SHISA2: variants seen among roughly 807,000 people sequenced by gnomAD.
SHISA2 encodes the protein shisa family member 2, also known as protein shisa-2 homolog.
Under a neutral mutation model 23.8 loss-of-function variants are expected in SHISA2, and 16 were observed. The observed-to-expected ratio is 0.67, with a 90% CI of 0.46 to 1.02. The LOEUF (loss-of-function observed/expected upper bound fraction) is 1.02, where lower values mean the gene tolerates loss of function less well. Ranked by LOEUF, SHISA2 falls within the 50% of genes least tolerant of loss-of-function variation. SHISA2 has a pLI of 0.00. For synonymous variants in SHISA2, 201 were observed against 178.6 expected (o/e 1.13, Z -1.00); for missense variants, 459 against 420.1 (o/e 1.09, Z -0.81).
rs192088754 is a variant in SHISA2, at chr13:26,046,156, C to T, written c.*357G>A. 5.8e-3 allele frequency: 882 copies of T among 150,826 alleles called. 9 individuals carry two copies. The highest frequency in any genetic ancestry group is 0.045 in the South Asian group (212 of 4,752). 9.3% of individuals were successfully genotyped at this position (150,826 alleles called of 1,614,324 possible). On this transcript the variant is annotated 3_prime_UTR_variant, in exon 2 of 2. Coordinates refer to ENST00000319420, the MANE Select transcript of SHISA2 (RefSeq NM_001007538.2). ...AGGCATTTTGATCCTGTGCAGTCAACAACAAAAAAGAAATAATAATAACAA... is the reference window on the plus strand; with the variant it reads ...AGGCATTTTGATCCTGTGCAGTCAATAACAAAAAAGAAATAATAATAACAA...
Position 26,050,711 on chromosome 13 carries a change from C to A in SHISA2, c.265G>T (p.Asp89Tyr), listed in dbSNP as rs769463557. 4.7e-6 allele frequency: 7 copies of A among 1,479,828 alleles called. No individual in the cohort carries two copies. The South Asian group carries it at 8.9e-5, about 19-fold the overall frequency. The allele number at this position is 1,479,828 out of a possible 1,614,324, so 91.7% of individuals were successfully genotyped here. Residue 89 changes from aspartate to tyrosine, a missense_variant, in exon 1 of 2, where the codon GAC becomes TAC. Transcript: ENST00000319420. ...CCAGCGCCCTGCTGGCGGTCATTGT[C>A]GCAGCCGCCCTGGTCCAGGCGCGCC... ...AEARLDQGGC[D>Y]NDRQQGAGEP...
Position 26,051,122 on chromosome 13 carries a change from G to C in SHISA2, c.-147C>G. The stretch of plus-strand genomic sequence containing the variant: ...CACTCCCCTCTGCCGCGACGCCCAG[G>C]AGGCGACGACGCCGGGCCCTAGGTC... On this transcript the variant is annotated 5_prime_UTR_variant, in exon 1 of 2. Coordinates refer to ENST00000319420, the MANE Select transcript of SHISA2 (RefSeq NM_001007538.2). The C allele has an allele frequency of 1.4e-6, 1 of 698,312 alleles. No homozygotes were observed. Among genetic ancestry groups the C allele is most frequent in the South Asian group, 2.2e-5 (1 of 44,796 alleles). 43.3% of individuals were successfully genotyped at this position (698,312 alleles called of 1,614,324 possible). A position where few individuals can be genotyped will look rare whatever the true frequency, so the allele number is the denominator to read the frequency against.
In SHISA2 at chr13:26,045,710, C is replaced by T. The variant is rs1957261431; in HGVS notation, c.*803G>A. The T allele has an allele frequency of 6.6e-6, 1 of 151,930 alleles. No homozygotes were observed. The highest frequency in any genetic ancestry group is 2.1e-4 in the South Asian group (1 of 4,818). 9.4% of individuals were successfully genotyped at this position (151,930 alleles called of 1,614,324 possible). ...GAATACTGAGACTGATGACTGATCT[C>T]ACAGAGTTCAAACAGGTTTCCTTTT... On this transcript the variant is annotated 3_prime_UTR_variant, in exon 2 of 2. Coordinates refer to ENST00000319420, the MANE Select transcript of SHISA2 (RefSeq NM_001007538.2).
At chr13:26,048,917 G>A (rs1371080234) in intron 1 of SHISA2, among the ~76,000 whole-genome samples, 1 of 152,216 alleles carries the variant, frequency 6.6e-6, no homozygotes, top group African/African-American at 2.4e-5. Context: ...AGTGTCTGCA[G>A]CACAGCTGGC....
chr13:26,050,063 T>C (rs1957291232), intron 1 of SHISA2, among the ~76,000 whole-genome samples: 1 of 151,650 alleles, frequency 6.6e-6, no homozygotes, highest in South Asian at 2.1e-4. Context: ...TGGGCACTGC[T>C]CCGATGTTAC....
chr13:26,050,539 T>C (rs1028054593), intron 1 of SHISA2, 103 bp downstream of exon 1: 1 of 1,189,460 alleles, frequency 8.4e-7, no homozygotes, highest in East Asian at 3.2e-5. Flanking sequence ...CGCCTCCTGG[T>C]CCTAGGCCCT....
rs1957256640 is a variant in SHISA2 at position 26,044,877 on chromosome 13, C to T, written c.*1636G>A. 1 of 152,126 alleles carries T rather than the reference C, an allele frequency of 6.6e-6. No individual in the cohort carries two copies. The highest frequency in any genetic ancestry group is 1.5e-5 in the Non-Finnish European group (1 of 68,026). The allele number at this position is 152,126 out of a possible 1,614,324, so 9.4% of individuals were successfully genotyped here. ...TCTTTTTTTATATAAGTAAAGAACA[C>T]ACAAATAAATTCACTTGAATTTGAT... is the stretch of plus-strand genomic sequence containing the variant. On this transcript the variant is annotated 3_prime_UTR_variant, in exon 2 of 2. Coordinates refer to ENST00000319420, the MANE Select transcript of SHISA2 (RefSeq NM_001007538.2).
intron 1 of SHISA2, among the ~76,000 whole-genome samples, chr13:26,050,271 T>TGG (rs1957292989): frequency 6.6e-6 from 1 of 152,074 alleles, no homozygotes; most frequent in East Asian, 2.0e-4. Context: ...CCCTCACGGG[T>TGG]GGGGGCGCAC....
Position 26,047,044 on chromosome 13 carries a change from G to A in SHISA2, c.357C>T (p.Leu119=), listed in dbSNP as rs760248317. ...GSAVPIYVPF[L]IVGSVFVAFI... ...AGGCGACAAACACGGAGCCAACAATGAGGAACGGCACGTAGATGGGCACTG... is the reference window on the plus strand; with the variant it reads ...AGGCGACAAACACGGAGCCAACAATAAGGAACGGCACGTAGATGGGCACTG... Residue 119 remains leucine (L), a synonymous_variant, in exon 2 of 2, where the codon CTC becomes CTT. Transcript: ENST00000319420. 2 of 1,557,570 alleles carry A rather than the reference G, an allele frequency of 1.3e-6. No individual in the cohort carries two copies. Among genetic ancestry groups the A allele is most frequent in the East Asian group, 2.3e-5 (1 of 44,112 alleles).
intron 1 of SHISA2, among the ~76,000 whole-genome samples, chr13:26,048,182 A>G (rs1374682377): frequency 6.6e-6 from 1 of 152,086 alleles, no homozygotes; most frequent in African/African-American, 2.4e-5. Flanking sequence ...GCGCACCTAT[A>G]ATCCCAGCTA....
In SHISA2 at chr13:26,046,532, T is replaced by C. The variant is rs1360006733; in HGVS notation, c.869A>G (p.Tyr290Cys). ...FPHTNSEQKM[Y>C]PAVTV ...TCTCGGTTATACAGTCACCGCTGGG[T>C]ACATCTTCTGTTCACTGTTGGTGTG... Residue 290 changes from tyrosine to cysteine, a missense_variant, in exon 2 of 2, where the codon TAC becomes TGC. Transcript: ENST00000319420. The C allele has an allele frequency of 1.9e-6, 3 of 1,609,490 alleles. No individual in the cohort carries two copies. The highest frequency in any genetic ancestry group is 2.5e-6 in the Non-Finnish European group (3 of 1,177,598).
rs777970325 is a variant in SHISA2, at chr13:26,046,891, G to A, written c.510C>T (p.Ala170=). ...GTGAGGACGACCCCCGGGAGGTGCT[G>A]GCACTGGGGATCATGGGGATGGTCT... The part of the protein sequence containing the change: ...LMETIPMIPS[A]STSRGSSSRQ... Residue 170 remains alanine, a synonymous_variant, in exon 2 of 2, where the codon GCC becomes GCT. Coordinates refer to ENST00000319420, the MANE Select transcript of SHISA2 (RefSeq NM_001007538.2). 4.3e-6 allele frequency: 7 copies of A among 1,613,542 alleles called. No individual in the cohort carries two copies. The highest frequency in any genetic ancestry group is 5.9e-6 in the Non-Finnish European group (7 of 1,179,794).
rs1216901580 is a variant in SHISA2 at position 26,051,982 on chromosome 13, C to G, written c.-1007G>C. 4.3e-5 allele frequency among the ~76,000 whole-genome samples: 1 copy of G among 23,468 alleles called. No individual in the cohort carries two copies. The highest frequency in any genetic ancestry group is 4.5e-4 in the East Asian group (1 of 2,214). The allele number at this position is 23,468 out of a possible 152,430, so 15.4% of individuals were successfully genotyped here. On this transcript the variant is annotated 5_prime_UTR_variant, in exon 1 of 2. Coordinates refer to ENST00000319420, the MANE Select transcript of SHISA2 (RefSeq NM_001007538.2). The stretch of plus-strand genomic sequence containing the variant: ...GCGCAGCAGCCGCCCACAGCCTCGC[C>G]TCGCCCCGCCCGGCGCCAGACCAGC...
At chr13:26,049,260 C>T (rs1957284885) in intron 1 of SHISA2, among the ~76,000 whole-genome samples, 1 of 152,142 alleles carries the variant, frequency 6.6e-6, no homozygotes, top group South Asian at 2.1e-4. Flanking sequence ...AGCCCCCCGG[C>T]AGGCTTAATT....
chr13:26,049,585 A>G (rs1160591881), intron 1 of SHISA2, among the ~76,000 whole-genome samples: 1 of 152,206 alleles, frequency 6.6e-6, no homozygotes, highest in Non-Finnish European at 1.5e-5. Flanking sequence ...CGCTCTCTTC[A>G]GATTCAAGAC....
intron 1 of SHISA2, among the ~76,000 whole-genome samples, chr13:26,049,932 C>T (rs1361870665): frequency 6.7e-6 from 1 of 150,284 alleles, no homozygotes; most frequent in Non-Finnish European, 1.5e-5. Context: ...CCCAGGGAGG[C>T]ATTCCGGAAG....
Position 26,051,251 on chromosome 13 carries a change from A to C in SHISA2, c.-276T>G, listed in dbSNP as rs1001441538. Among the ~76,000 whole-genome samples the C allele has an allele frequency of 9.2e-5, 14 of 152,258 alleles. No individual in the cohort carries two copies. The Middle Eastern group carries it at 0.01, about 111-fold the overall frequency. ...ATGGAAATCTCGGGATGCAGTCAGA[A>C]GGCCCCCGGGGCTGTCGTCCGGAAG... On this transcript the variant is annotated 5_prime_UTR_variant, in exon 1 of 2. Coordinates refer to ENST00000319420, the MANE Select transcript of SHISA2 (RefSeq NM_001007538.2).
At chr13:26,047,737 T>TGATG (rs1328799316) in intron 1 of SHISA2, among the ~76,000 whole-genome samples, 2 of 152,058 alleles carry the variant, frequency 1.3e-5, no homozygotes, top group African/African-American at 4.8e-5. Context: ...TGGGTCCAGG[T>TGATG]GATGGGGTCT....
rs1400100629 is a variant in SHISA2, at chr13:26,050,767, C to T, written c.209G>A (p.Cys70Tyr). ...GGDATICCGS[C>Y]ALRYCCSSAE... Reference sequence around the variant, plus strand: ...GCTGGAGCAGCAGTAGCGCAACGCGCAGCTGCCGCAGCAGATGGTGGCGTC... The same window carrying T: ...GCTGGAGCAGCAGTAGCGCAACGCGTAGCTGCCGCAGCAGATGGTGGCGTC... The change falls in exon 1 of 2, where the codon TGC becomes TAC. Residue 70 changes from cysteine to tyrosine, a missense_variant. Physicochemically the swap from Cys to Tyr is radical, Grantham distance 194. Coordinates refer to ENST00000319420, the MANE Select transcript of SHISA2 (RefSeq NM_001007538.2). 2 of 1,517,084 alleles carry T rather than the reference C, an allele frequency of 1.3e-6. No homozygotes were observed. Among genetic ancestry groups the T allele is most frequent in the Non-Finnish European group, 1.8e-6 (2 of 1,142,026 alleles). The allele number at this position is 1,517,084 out of a possible 1,614,324, so 94.0% of individuals were successfully genotyped here.
Sources: gnomAD v4.1 joint callset for allele counts (sites outside exome capture counted in the v4.1 genomes callset) on GRCh38, gnomAD v4.1.1 for gene constraint, MANE v1.5 for transcripts, NCBI Gene and HGNC (gene_info 2026-07-23, HGNC 2026-07-21) for gene names.